ZSWIM6: variants seen among roughly 807,000 people sequenced by gnomAD.
ZSWIM6 encodes the protein zinc finger SWIM-type containing 6.
In ZSWIM6, 9 loss-of-function variants were observed where a neutral mutation model predicts 113.2. The observed-to-expected ratio is 0.08, with a 90% CI of 0.05 to 0.14. ZSWIM6 has a LOEUF of 0.14. ZSWIM6 is among the 10% of genes least tolerant of loss of function. The pLI is 1.00. For missense variants in ZSWIM6, 1,162 were observed against 1,552.2 expected (o/e 0.75, Z 4.22); for synonymous variants, 611 against 606.5 (o/e 1.01, Z -0.11).
intron 4 of ZSWIM6, among the ~76,000 whole-genome samples, chr5:61,506,623 A>G (rs1035751952): frequency 6.6e-6 from 1 of 152,154 alleles, no homozygotes; most frequent in African/African-American, 2.4e-5. Context: ...TGACTGACAT[A>G]TTAAGACAGC....
At chr5:61,370,277 A>G (rs1745239003) in intron 1 of ZSWIM6, among the ~76,000 whole-genome samples, 1 of 152,242 alleles carries the variant, frequency 6.6e-6, no homozygotes, top group Non-Finnish European at 1.5e-5. Context: ...TATAAAAATA[A>G]TAGAAGCAAT....
chr5:61,369,125 C>G (rs952184950), intron 1 of ZSWIM6, among the ~76,000 whole-genome samples: 3 of 152,190 alleles, frequency 2.0e-5, no homozygotes, highest in African/African-American at 4.8e-5. Flanking sequence ...TGTTGTACAT[C>G]ACTTCATTGG....
intron 4 of ZSWIM6, among the ~76,000 whole-genome samples, chr5:61,499,023 A>G (rs1292435697): frequency 2.0e-5 from 3 of 152,070 alleles, no homozygotes; most frequent in Non-Finnish European, 2.9e-5. Context: ...CACATTTTAT[A>G]GTTGATGGTG....
chr5:61,428,911 C>T (rs547016601), intron 1 of ZSWIM6, among the ~76,000 whole-genome samples: 13 of 152,220 alleles, frequency 8.5e-5, no homozygotes, highest in Middle Eastern at 3.4e-3. Flanking sequence ...TGCCCCTCAC[C>T]TTGGCTGTCA....
At chr5:61,503,309 G>C (rs949303327) in intron 4 of ZSWIM6, among the ~76,000 whole-genome samples, 1 of 152,176 alleles carries the variant, frequency 6.6e-6, no homozygotes. Context: ...TCTGAAAAAT[G>C]TAGGTAACTC....
chr5:61,505,379 A>G (rs1748574368), intron 4 of ZSWIM6, among the ~76,000 whole-genome samples: 1 of 151,520 alleles, frequency 6.6e-6, no homozygotes, highest in Non-Finnish European at 1.5e-5. Flanking sequence ...TCTCTTGAAA[A>G]GGAGGAGGGT....
chr5:61,515,006 A>G (rs1748892173), intron 4 of ZSWIM6, among the ~76,000 whole-genome samples: 1 of 152,096 alleles, frequency 6.6e-6, no homozygotes, highest in South Asian at 2.1e-4. Flanking sequence ...ATTGTTAGAG[A>G]TTTTTAACTG....
chr5:61,475,431 G>T (rs991917578), intron 2 of ZSWIM6, among the ~76,000 whole-genome samples: 1 of 152,160 alleles, frequency 6.6e-6, no homozygotes, highest in African/African-American at 2.4e-5. Context: ...GAGAGAATGT[G>T]TTCACGTGAT....
Position 61,405,534 on chromosome 5 carries a change from T to C in ZSWIM6, c.677-67147T>C, listed in dbSNP as rs184756212. ...GAAATTACAGAGGTGGCATTTGAGC[T>C]GAGCCTTTAAAAATAAGAGAAGATT... On this transcript the variant is annotated intron_variant, in intron 1 of 13. Transcript: ENST00000252744. Among the ~76,000 whole-genome samples the C allele has an allele frequency of 2.0e-5, 3 of 152,134 alleles. No individual in the cohort carries two copies. The East Asian group carries it at 5.8e-4, about 29-fold the overall frequency.
At chr5:61,394,698 A>C (rs956030166) in intron 1 of ZSWIM6, among the ~76,000 whole-genome samples, 53 of 152,228 alleles carry the variant, frequency 3.5e-4, no homozygotes, top group African/African-American at 1.2e-3. Flanking sequence ...GAAAGGAATT[A>C]ACAAGGCAAA....
At chr5:61,526,218 G>A (rs887707348) in intron 6 of ZSWIM6, 32 bp from the exon 7 acceptor site, 1 of 1,523,910 alleles carries the variant, frequency 6.6e-7, no homozygotes, top group African/African-American at 1.4e-5. Context: ...ATCTGACAGT[G>A]GCAACTTTAC....
At chr5:61,422,030 C>A (rs910610355) in intron 1 of ZSWIM6, among the ~76,000 whole-genome samples, 1 of 152,090 alleles carries the variant, frequency 6.6e-6, no homozygotes, top group African/African-American at 2.4e-5. Context: ...GTTTGTTGAT[C>A]GTTTCCTTTG....
chr5:61,502,332 T>C (rs755566706), intron 4 of ZSWIM6, among the ~76,000 whole-genome samples: 4 of 152,142 alleles, frequency 2.6e-5, no homozygotes, highest in Admixed American at 2.6e-4. Flanking sequence ...TAAGCTTCGT[T>C]AGGCTCATGA....
chr5:61,374,748 G>T (rs1345053008), intron 1 of ZSWIM6, among the ~76,000 whole-genome samples: 1 of 151,998 alleles, frequency 6.6e-6, no homozygotes, highest in East Asian at 1.9e-4. Context: ...GTAGAGACGG[G>T]GTTTCACTGT....
At chr5:61,411,558 T>A (rs1269205731) in intron 1 of ZSWIM6, among the ~76,000 whole-genome samples, 1 of 152,252 alleles carries the variant, frequency 6.6e-6, no homozygotes, top group Non-Finnish European at 1.5e-5. Flanking sequence ...GTCTTCAATG[T>A]GTTAATCCAC....
intron 1 of ZSWIM6, among the ~76,000 whole-genome samples, chr5:61,440,491 A>G (rs1327934969): frequency 6.6e-6 from 1 of 152,192 alleles, no homozygotes; most frequent in Non-Finnish European, 1.5e-5. Flanking sequence ...CTTCCCAGAC[A>G]GGAGAAAGAA....
At chr5:61,359,414 T>A (rs1390227187) in intron 1 of ZSWIM6, among the ~76,000 whole-genome samples, 1 of 152,036 alleles carries the variant, frequency 6.6e-6, no homozygotes, top group East Asian at 1.9e-4. Flanking sequence ...TCCTCCCCTT[T>A]AAAAAAATAT....
At position 61,332,670 on chromosome 5, in the gene ZSWIM6, C is replaced by G; in HGVS notation, c.398C>G (p.Ala133Gly). The G allele has an allele frequency of 1.8e-6, 2 of 1,106,550 alleles. No homozygotes were observed. The highest frequency in any genetic ancestry group is 2.3e-6 in the Non-Finnish European group (2 of 885,934). The allele number at this position is 1,106,550 out of a possible 1,614,324, so 68.5% of individuals were successfully genotyped here. Residue 133 changes from alanine to glycine, a missense_variant, in exon 1 of 14, where the codon GCC (alanine) becomes GGC (glycine). Transcript: ENST00000252744. ...MYSSFNTGGG[A>G]AGGPGDDSGG... The stretch of plus-strand genomic sequence containing the variant: ...TCGTCCTTCAACACCGGCGGCGGCG[C>G]CGCGGGCGGCCCCGGCGACGACAGC...
At chr5:61,459,254 T>C (rs1358002798) in intron 1 of ZSWIM6, among the ~76,000 whole-genome samples, 1 of 152,200 alleles carries the variant, frequency 6.6e-6, no homozygotes, top group Admixed American at 6.5e-5. Flanking sequence ...GAAAGGAAAA[T>C]TGTAGTTAGA....
Sources: allele counts gnomAD v4.1 joint callset (sites outside exome capture counted in the v4.1 genomes callset), GRCh38; gene constraint gnomAD v4.1.1; transcripts MANE v1.5; gene names NCBI Gene and HGNC (gene_info 2026-07-23, HGNC 2026-07-21).